C12orf42: variants seen among roughly 807,000 people sequenced by gnomAD.
C12orf42 encodes the protein chromosome 12 open reading frame 42, also known as uncharacterized protein C12orf42.
In C12orf42, 25 loss-of-function variants were observed where a neutral mutation model predicts 21.6. The ratio of observed to expected loss-of-function variants is 1.16; its 90% confidence interval spans 0.84 to 1.62. C12orf42 has a LOEUF of 1.62. Ranked by LOEUF, C12orf42 falls within the 40% of genes most tolerant of loss-of-function variation. C12orf42 has a pLI of 0.00. For missense variants in C12orf42, 483 were observed against 459.3 expected, an observed-to-expected ratio of 1.05 and a Z score of -0.47; for synonymous variants, 174 against 175.0, an observed-to-expected ratio of 0.99 and a Z score of 0.05.
At chr12:103,152,380 GAGA>G in the C12orf42 span, among the ~76,000 whole-genome samples, 1 of 152,270 alleles carries the variant, frequency 6.6e-6, no homozygotes, top group Middle Eastern at 3.4e-3. Flanking sequence ...AAAATCTATA[GAGA>G]ACATCATACT....
intron 4 of C12orf42, among the ~76,000 whole-genome samples, chr12:103,328,356 T>A (rs2040898995): frequency 6.6e-6 from 1 of 151,800 alleles, no homozygotes; most frequent in Non-Finnish European, 1.5e-5. Flanking sequence ...TTATAGGAAC[T>A]GAGAGTCGGG....
At chr12:103,295,358 T>A (rs2037186209) in intron 4 of C12orf42, among the ~76,000 whole-genome samples, 3 of 152,136 alleles carry the variant, frequency 2.0e-5, no homozygotes, top group Admixed American at 2.0e-4. Flanking sequence ...ATCTGAACTT[T>A]TCTAAATTGG....
At chr12:103,311,159 T>C (rs2038935087) in intron 4 of C12orf42, among the ~76,000 whole-genome samples, 1 of 152,156 alleles carries the variant, frequency 6.6e-6, no homozygotes, top group Non-Finnish European at 1.5e-5. Flanking sequence ...AGCAACTGTG[T>C]ATTTGCAATA....
chr12:103,330,105 A>T (rs1016713129), intron 4 of C12orf42, among the ~76,000 whole-genome samples: 9 of 152,212 alleles, frequency 5.9e-5, no homozygotes, highest in Admixed American at 5.9e-4. Flanking sequence ...ATAATTAGCA[A>T]ATAACCCTCA....
chr12:103,459,807 G>A (rs555626551), intron 2 of C12orf42, among the ~76,000 whole-genome samples: 1 of 152,194 alleles, frequency 6.6e-6, no homozygotes, highest in African/African-American at 2.4e-5. Context: ...TGTGTAGACA[G>A]AGCTTCTGTT....
At chr12:103,321,639 G>A (rs1270011223) in intron 4 of C12orf42, among the ~76,000 whole-genome samples, 2 of 141,374 alleles carry the variant, frequency 1.4e-5, no homozygotes, top group African/African-American at 5.4e-5. Flanking sequence ...TGATAGACTG[G>A]ATTAAGAAAA....
At chr12:103,182,382 G>A in the C12orf42 span, among the ~76,000 whole-genome samples, 1 of 152,060 alleles carries the variant, frequency 6.6e-6, no homozygotes, top group African/African-American at 2.4e-5. Context: ...CCTAGCTCAG[G>A]GCAAAGCTGC....
At chr12:103,229,566 A>G in the C12orf42 span, among the ~76,000 whole-genome samples, 2 of 152,222 alleles carry the variant, frequency 1.3e-5, no homozygotes, top group Non-Finnish European at 2.9e-5. Flanking sequence ...AAGAAACATA[A>G]GATTTAAATA....
At chr12:103,054,559 A>G in the C12orf42 span, among the ~76,000 whole-genome samples, 2 of 151,554 alleles carry the variant, frequency 1.3e-5, no homozygotes, top group Non-Finnish European at 3.0e-5. Context: ...TTCACTTCTG[A>G]TTTGGCTTCC....
chr12:103,498,452 G>A (rs892583988), upstream of C12orf42, among the ~76,000 whole-genome samples: 1 of 152,174 alleles, frequency 6.6e-6, no homozygotes, highest in Non-Finnish European at 1.5e-5. Context: ...TGAAAATGTG[G>A]TACATATATA....
the C12orf42 span, among the ~76,000 whole-genome samples, chr12:103,189,954 C>T: frequency 1.3e-5 from 2 of 150,390 alleles, no homozygotes; most frequent in African/African-American, 4.9e-5. Context: ...AGGGACAGAA[C>T]AATTGGATAT....
intron 4 of C12orf42, among the ~76,000 whole-genome samples, chr12:103,290,514 A>T (rs867219959): frequency 2.7e-4 from 41 of 152,288 alleles, no homozygotes; most frequent in Admixed American, 7.9e-4. Flanking sequence ...TCAAACACAT[A>T]AAAAATCTTG....
At chr12:103,222,566 C>T in the C12orf42 span, among the ~76,000 whole-genome samples, 1 of 152,148 alleles carries the variant, frequency 6.6e-6, no homozygotes, top group Non-Finnish European at 1.5e-5. Context: ...AGAGGCCTGA[C>T]AATGTTCATG....
At chr12:103,173,783 T>C in the C12orf42 span, among the ~76,000 whole-genome samples, 2 of 152,158 alleles carry the variant, frequency 1.3e-5, no homozygotes, top group East Asian at 3.8e-4. Flanking sequence ...TCTCTACTTT[T>C]GTCTCCCACT....
chr12:103,067,688 C>T, the C12orf42 span, among the ~76,000 whole-genome samples: 1 of 152,152 alleles, frequency 6.6e-6, no homozygotes, highest in Non-Finnish European at 1.5e-5. Context: ...CAGCATTTAG[C>T]TGGCCTAGAG....
the C12orf42 span, among the ~76,000 whole-genome samples, chr12:103,122,885 T>A: frequency 6.6e-6 from 1 of 152,106 alleles, no homozygotes; most frequent in African/African-American, 2.4e-5. Flanking sequence ...AGGATATCAG[T>A]CTGATGGCTG....
intron 2 of C12orf42, chr12:103,456,051 C>T (rs866566708): frequency 5.3e-5 from 8 of 152,096 alleles, no homozygotes; most frequent in Non-Finnish European, 1.0e-4. Flanking sequence ...GCAAGCTGAT[C>T]CCCCAAGTCT....
At chr12:103,343,245 G>T (rs570276688) in intron 4 of C12orf42, among the ~76,000 whole-genome samples, 2 of 151,904 alleles carry the variant, frequency 1.3e-5, no homozygotes, top group Non-Finnish European at 2.9e-5. Flanking sequence ...TATTTAAATC[G>T]CAAAATCAAT....
At chr12:103,132,688 CAG>C in the C12orf42 span, among the ~76,000 whole-genome samples, 1 of 152,212 alleles carries the variant, frequency 6.6e-6, no homozygotes, top group Non-Finnish European at 1.5e-5. Flanking sequence ...CTGCTACCTT[CAG>C]AGCTGAAGCA....
Sources: gnomAD v4.1 joint callset for allele counts (sites outside exome capture counted in the v4.1 genomes callset) on GRCh38, gnomAD v4.1.1 for gene constraint, MANE v1.5 for transcripts, NCBI Gene and HGNC (gene_info 2026-07-23, HGNC 2026-07-21) for gene names.